The following COL26A1 variants were observed in gnomAD, a reference collection of about 807,000 sequenced individuals.
COL26A1 encodes collagen type XXVI alpha 1 chain, also known as collagen alpha-1(XXVI) chain.
Under a neutral mutation model 59.3 loss-of-function variants are expected in COL26A1, and 41 were observed. The observed-to-expected ratio is 0.69, with a 90% CI of 0.54 to 0.90. COL26A1 has a LOEUF of 0.90. Ranked by LOEUF, COL26A1 falls within the 40% of genes least tolerant of loss-of-function variation. The pLI, the probability that COL26A1 is intolerant of heterozygous loss-of-function variation, is 0.00. For missense variants in COL26A1, 612 were observed against 602.3 expected, an observed-to-expected ratio of 1.02 and a Z score of -0.17; for synonymous variants, 266 against 256.0, an observed-to-expected ratio of 1.04 and a Z score of -0.37.
chr7:101,512,319 T>C (rs35393349), intron 3 of COL26A1, among the ~76,000 whole-genome samples: 22,320 of 152,016 alleles, frequency 0.15, 1,703 homozygotes, highest in South Asian at 0.19. Flanking sequence ...AAAATTTGGC[T>C]GGAAAAAATC....
At chr7:101,388,612 C>T (rs1236255300) in intron 1 of COL26A1, among the ~76,000 whole-genome samples, 4 of 150,942 alleles carry the variant, frequency 2.7e-5, no homozygotes, top group Admixed American at 6.6e-5. Context: ...TGCCCAGGCT[C>T]GAGTGTAATG....
intron 3 of COL26A1, among the ~76,000 whole-genome samples, chr7:101,484,802 A>G (rs757559772): frequency 1.3e-5 from 2 of 151,886 alleles, no homozygotes; most frequent in African/African-American, 2.4e-5. Flanking sequence ...AGCTAGGATT[A>G]CAGGTATGTG....
chr7:101,374,573 G>A (rs1011643502), intron 1 of COL26A1, among the ~76,000 whole-genome samples: 47 of 152,148 alleles, frequency 3.1e-4, no homozygotes, highest in Admixed American at 7.9e-4. Flanking sequence ...GTTGTAAACT[G>A]CACAGGCGAG....
intron 1 of COL26A1, among the ~76,000 whole-genome samples, chr7:101,414,148 C>T (rs1424330765): frequency 1.3e-5 from 2 of 152,136 alleles, no homozygotes; most frequent in South Asian, 2.1e-4. Context: ...CTCCCTTCTT[C>T]GTTGTTTTTG....
At chr7:101,396,449 T>A (rs1791856586) in intron 1 of COL26A1, among the ~76,000 whole-genome samples, 1 of 152,024 alleles carries the variant, frequency 6.6e-6, no homozygotes, top group Admixed American at 6.6e-5. Flanking sequence ...CCTCTGACAA[T>A]TCCAGAGCTG....
intron 2 of COL26A1, among the ~76,000 whole-genome samples, chr7:101,432,055 G>A (rs944964548): frequency 6.6e-5 from 10 of 151,246 alleles, no homozygotes; most frequent in African/African-American, 2.4e-4. Context: ...TTGCCTCCTG[G>A]GTTCAAGAGA....
intron 2 of COL26A1, among the ~76,000 whole-genome samples, chr7:101,431,376 C>T (rs1393372984): frequency 1.3e-5 from 2 of 152,144 alleles, no homozygotes; most frequent in African/African-American, 2.4e-5. Flanking sequence ...TCTTCCATCT[C>T]AGCCTCCCCA....
rs756710004 is a variant in COL26A1, at chr7:101,539,871, CTCTCTA to C, written c.448-17_448-12del. The C allele has an allele frequency of 4.4e-6, 7 of 1,601,660 alleles. No homozygotes were observed. The highest frequency in any genetic ancestry group is 6.0e-6 in the Non-Finnish European group (7 of 1,174,490). On this transcript the variant is annotated splice_polypyrimidine_tract_variant and intron_variant, in intron 4 of 12. Coordinates refer to ENST00000313669, the MANE Select transcript of COL26A1 (RefSeq NM_001278563.3). ...TGTGTCAGGCCCAACTGGGACCTGA[CTCTCTA>C]TCTCCTTTGGCCCAGGTCCTCCTGC...
At chr7:101,501,302 G>A (rs1794703176) in intron 3 of COL26A1, among the ~76,000 whole-genome samples, 1 of 151,038 alleles carries the variant, frequency 6.6e-6, no homozygotes, top group Non-Finnish European at 1.5e-5. Context: ...TGGGGGCCAC[G>A]AGAGTCATTA....
intron 2 of COL26A1, among the ~76,000 whole-genome samples, chr7:101,437,091 G>A (rs1792934236): frequency 6.6e-6 from 1 of 152,198 alleles, no homozygotes; most frequent in African/African-American, 2.4e-5. Context: ...GATGTGCCTC[G>A]CTCTAAGCTA....
chr7:101,441,673 T>C (rs978249262), intron 2 of COL26A1, among the ~76,000 whole-genome samples: 2 of 152,098 alleles, frequency 1.3e-5, no homozygotes, highest in Non-Finnish European at 2.9e-5. Flanking sequence ...AAGTGTGGAT[T>C]GAAGTGAGAG....
intron 1 of COL26A1, among the ~76,000 whole-genome samples, chr7:101,403,297 C>G (rs1397426345): frequency 1.3e-5 from 2 of 152,088 alleles, no homozygotes; most frequent in Non-Finnish European, 2.9e-5. Flanking sequence ...TTGTGTGTCC[C>G]CTCCTTCATG....
intron 3 of COL26A1, among the ~76,000 whole-genome samples, chr7:101,470,062 C>T (rs538811982): frequency 6.6e-6 from 1 of 151,698 alleles, no homozygotes; most frequent in East Asian, 1.9e-4. Context: ...GCTCTCTCTG[C>T]TGCAGAGAGA....
At chr7:101,548,762 A>G (rs529627259) in intron 8 of COL26A1, among the ~76,000 whole-genome samples, 1 of 152,164 alleles carries the variant, frequency 6.6e-6, no homozygotes, top group South Asian at 2.1e-4. Flanking sequence ...GGCCATAGGA[A>G]GGGTCGATGA....
Position 101,529,245 on chromosome 7 carries a change from G to A in COL26A1, c.386-3837G>A, listed in dbSNP as rs148737770. 7.9e-5 allele frequency among the ~76,000 whole-genome samples: 12 copies of A among 152,282 alleles called. No individual in the cohort carries two copies. The East Asian group carries it at 2.1e-3, about 27-fold the overall frequency. On this transcript the variant is annotated intron_variant, in intron 3 of 12. Transcript: ENST00000313669. ...ATGCATAATAGTAGGGATTGGGCTT[G>A]TAGTGCACCCATCACCCAAATATTT...
chr7:101,449,808 G>T (rs1376628190), intron 3 of COL26A1, among the ~76,000 whole-genome samples: 1 of 152,068 alleles, frequency 6.6e-6, no homozygotes, highest in Non-Finnish European at 1.5e-5. Flanking sequence ...TATGCTCATG[G>T]TCATGGTTTA....
chr7:101,401,700 G>GGAAGAGA (rs1792007361), intron 1 of COL26A1, among the ~76,000 whole-genome samples: 2 of 121,238 alleles, frequency 1.6e-5, no homozygotes, highest in African/African-American at 3.6e-5. Flanking sequence ...GGAGGAGGAA[G>GGAAGAGA]AGTAGGAGGT....
intron 3 of COL26A1, among the ~76,000 whole-genome samples, chr7:101,499,482 G>A (rs1217096442): frequency 2.0e-5 from 3 of 152,070 alleles, no homozygotes; most frequent in Non-Finnish European, 4.4e-5. Flanking sequence ...TCAGGAGTTC[G>A]AGACCAGCCT....
chr7:101,483,379 G>C (rs566391217), intron 3 of COL26A1, among the ~76,000 whole-genome samples: 1 of 151,602 alleles, frequency 6.6e-6, no homozygotes, highest in Non-Finnish European at 1.5e-5. Flanking sequence ...TGTATTTTTA[G>C]TAGAGACGGG....
Sources: gnomAD v4.1 joint callset for allele counts (sites outside exome capture counted in the v4.1 genomes callset) on GRCh38, gnomAD v4.1.1 for gene constraint, MANE v1.5 for transcripts, NCBI Gene and HGNC (gene_info 2026-07-23, HGNC 2026-07-21) for gene names.